Variants in NPRL3 observed in about 807,000 individuals in gnomAD.
NPRL3 encodes the protein NPR3 like, GATOR1 complex subunit.
A neutral mutation model predicts 57.2 loss-of-function variants in NPRL3; 23 were observed. That is an observed-to-expected ratio of 0.40 (90% CI 0.29 to 0.57). The LOEUF (loss-of-function observed/expected upper bound fraction) is 0.57, where lower values mean the gene tolerates loss of function less well. NPRL3 is among the 20% of genes least tolerant of loss of function. NPRL3 has a pLI of 0.42. For missense variants in NPRL3, 691 were observed against 767.1 expected (o/e 0.90, Z 1.17); for synonymous variants, 333 against 321.1 (o/e 1.04, Z -0.39).
At chr16:113,832 C>G (rs1376327714) in intron 5 of NPRL3, among the ~76,000 whole-genome samples, 1 of 152,216 alleles carries the variant, frequency 6.6e-6, no homozygotes, top group East Asian at 1.9e-4. Context: ...CGTTCTTCAT[C>G]TGGAGCTGAA....
chr16:118,999 G>C (rs1202756326), intron 4 of NPRL3, 127 bp downstream of exon 4: 5 of 1,397,346 alleles, frequency 3.6e-6, no homozygotes, highest in Non-Finnish European at 4.8e-6. Flanking sequence ...CCCAAGGAGA[G>C]CCACACCTGC....
intron 7 of NPRL3, among the ~76,000 whole-genome samples, chr16:103,312 T>TTGTTTTG (rs1567136050): frequency 1.3e-4 from 17 of 128,608 alleles, no homozygotes; most frequent in African/African-American, 5.1e-4. Context: ...TTTTTTTTTT[T>TTGTTTTG]TTTTTTTTTT....
At chr16:88,595 T>C (rs1184753217) in intron 13 of NPRL3, 103 bp downstream of exon 13, 6 of 1,038,698 alleles carry the variant, frequency 5.8e-6, no homozygotes, top group Non-Finnish European at 8.5e-6. Context: ...CAGGGCCCCA[T>C]CTGTTCTCAG....
chr16:112,269 G>C (rs1278836500), intron 6 of NPRL3, among the ~76,000 whole-genome samples: 1 of 152,218 alleles, frequency 6.6e-6, no homozygotes, highest in African/African-American at 2.4e-5. Flanking sequence ...CATCCAGCCA[G>C]GAAAATTCAT....
intron 3 of NPRL3, among the ~76,000 whole-genome samples, chr16:123,078 G>A (rs1159719065): frequency 6.6e-6 from 1 of 152,132 alleles, no homozygotes; most frequent in Non-Finnish European, 1.5e-5. Flanking sequence ...CCTTGGGAGA[G>A]GCCCCCACAA....
At chr16:123,086 C>CA (rs559230901) in intron 3 of NPRL3, among the ~76,000 whole-genome samples, 283 of 152,296 alleles carry the variant, frequency 1.9e-3, no homozygotes, top group African/African-American at 6.3e-3. Context: ...GAGGCCCCCA[C>CA]AAAACCCCTC....
In NPRL3 at chr16:88,707, A is replaced by G. The variant is rs1898611752; in HGVS notation, c.1535T>C (p.Met512Thr). The change falls in exon 13 of 14, where the codon ATG (methionine) becomes ACG (threonine). Residue 512 changes from methionine to threonine, a missense_variant. Met to Thr is a moderately conservative substitution (Grantham distance 81). Transcript: ENST00000611875. Reference sequence around the variant, plus strand: ...GTCAACCTACACCCACCTGGCAAACATGCGGAGGTCCTCAGGGTTCTGGGC... The same window carrying G: ...GTCAACCTACACCCACCTGGCAAACGTGCGGAGGTCCTCAGGGTTCTGGGC... ...PAAQNPEDLR[M>T]FARLLHYFRG... 6.2e-7 allele frequency: 1 copy of G among 1,609,492 alleles called. No individual in the cohort carries two copies. The highest frequency in any genetic ancestry group is 8.5e-7 in the Non-Finnish European group (1 of 1,176,532).
chr16:90,487 C>T (rs1263540006), intron 11 of NPRL3: 1 of 152,574 alleles, frequency 6.6e-6, no homozygotes. Context: ...ACCCCCACCC[C>T]CACCGTGAGA....
chr16:119,086 C>T, intron 4 of NPRL3, 40 bp downstream of exon 4: 1 of 1,608,964 alleles, frequency 6.2e-7, no homozygotes, highest in East Asian at 2.2e-5. Context: ...AGAGCCACAT[C>T]TGCCCAGGGA....
rs575701936 is a variant in NPRL3 at position 98,813 on chromosome 16, C to T, written c.768-512G>A. On this transcript the variant is annotated intron_variant, in intron 8 of 13. Coordinates refer to ENST00000611875, the MANE Select transcript of NPRL3 (RefSeq NM_001077350.3). ...ATTATCCGGGTGTGGTTGCACCCAC[C>T]TGGGGTCCCAGCTACTCGGCAGGCT... Among the ~76,000 whole-genome samples, 5 of 152,314 alleles carry T rather than the reference C, an allele frequency of 3.3e-5. No homozygotes were observed. In the South Asian group the frequency reaches 1.0e-3, roughly 32 times the overall value.
chr16:126,417 G>A (rs553122438), intron 3 of NPRL3: 11 of 143,450 alleles, frequency 7.7e-5, no homozygotes, highest in Non-Finnish European at 1.1e-4. Context: ...ATGAAACTAC[G>A]TCTCAAAATA....
At chr16:95,681 C>T (rs1898976198) in intron 9 of NPRL3, among the ~76,000 whole-genome samples, 1 of 152,102 alleles carries the variant, frequency 6.6e-6, no homozygotes. Context: ...GTGATCCTCC[C>T]ACCTCAGCCT....
At chr16:106,789 G>C (rs566701807) in intron 7 of NPRL3, among the ~76,000 whole-genome samples, 1 of 152,022 alleles carries the variant, frequency 6.6e-6, no homozygotes, top group South Asian at 2.1e-4. Context: ...GGAGAAAGGC[G>C]CTCTGTCCTA....
chr16:107,711 G>A (rs1438631658), intron 7 of NPRL3, among the ~76,000 whole-genome samples: 2 of 152,184 alleles, frequency 1.3e-5, no homozygotes, highest in Admixed American at 1.3e-4. Flanking sequence ...GGAGTACAGT[G>A]GCTACTCAGA....
intron 7 of NPRL3, among the ~76,000 whole-genome samples, chr16:108,588 T>A (rs985557194): frequency 6.6e-6 from 1 of 152,218 alleles, no homozygotes; most frequent in African/African-American, 2.4e-5. Flanking sequence ...GTGGGGGCAG[T>A]TGCGGCTCAC....
chr16:104,541 C>A (rs1462705575), intron 7 of NPRL3, among the ~76,000 whole-genome samples: 2 of 152,148 alleles, frequency 1.3e-5, no homozygotes, highest in Non-Finnish European at 2.9e-5. Flanking sequence ...GTCCTTGGAG[C>A]CGCAGTCATG....
intron 7 of NPRL3, among the ~76,000 whole-genome samples, chr16:108,573 C>T (rs1359992034): frequency 6.6e-6 from 1 of 152,008 alleles, no homozygotes; most frequent in East Asian, 1.9e-4. Flanking sequence ...GGAACAAACT[C>T]AATGGTGGGG....
At chr16:95,421 G>A (rs1898966203) in intron 9 of NPRL3, among the ~76,000 whole-genome samples, 1 of 149,550 alleles carries the variant, frequency 6.7e-6, no homozygotes, top group African/African-American at 2.5e-5. Context: ...AACCTGGAGG[G>A]ATCTAGGTTA....
chr16:88,503 C>T (rs576216349), intron 13 of NPRL3, among the ~76,000 whole-genome samples, 195 bp downstream of exon 13: 3 of 152,252 alleles, frequency 2.0e-5, no homozygotes, highest in Admixed American at 6.5e-5. Context: ...CATGGCCCGG[C>T]GTCTTGGTGA....
Sources: allele counts gnomAD v4.1 joint callset (sites outside exome capture counted in the v4.1 genomes callset), GRCh38; gene constraint gnomAD v4.1.1; transcripts MANE v1.5; gene names NCBI Gene and HGNC (gene_info 2026-07-23, HGNC 2026-07-21).